Variants in NOS2 observed in about 807,000 individuals in gnomAD.
The protein encoded by NOS2 is nitric oxide synthase 2.
In NOS2, 96 loss-of-function variants were observed where a neutral mutation model predicts 136.0. The observed-to-expected ratio is 0.71, with a 90% CI of 0.60 to 0.84. The LOEUF is 0.84. NOS2 is among the 40% of genes least tolerant of loss of function. The pLI, the probability that NOS2 is intolerant of heterozygous loss-of-function variation, is 0.00. For synonymous variants in NOS2, 539 were observed against 587.5 expected (o/e 0.92, Z 1.20); for missense variants, 1,237 against 1,496.9 (o/e 0.83, Z 2.87).
intron 11 of NOS2, among the ~76,000 whole-genome samples, chr17:27,776,310 C>T (rs565353525): frequency 2.0e-5 from 3 of 152,288 alleles, no homozygotes; most frequent in African/African-American, 4.8e-5. Context: ...CTCTTGTGGA[C>T]GTGGGCTCTC....
At chr17:27,790,713 A>T (rs1377505746) in intron 2 of NOS2, among the ~76,000 whole-genome samples, 1 of 152,236 alleles carries the variant, frequency 6.6e-6, no homozygotes, top group African/African-American at 2.4e-5. Context: ...TTACAAATTA[A>T]ATTAAACATT....
intron 2 of NOS2, among the ~76,000 whole-genome samples, chr17:27,794,201 G>A (rs1198855285): frequency 6.6e-6 from 1 of 152,136 alleles, no homozygotes; most frequent in Non-Finnish European, 1.5e-5. Context: ...CCACAGCCCA[G>A]CCTAAGCTCA....
At chr17:27,772,599 G>A (rs1027774777) in intron 13 of NOS2, 147 bp from the exon 14 acceptor site, 9 of 861,618 alleles carry the variant, frequency 1.0e-5, no homozygotes, top group African/African-American at 6.8e-5. Flanking sequence ...GCCATGTACC[G>A]TGACAACTCA....
Position 27,770,979 on chromosome 17 carries a change from CTCCAGGCAGCTCAGCCTGTACTTA to C in NOS2, c.1719_1742del (p.Asp573_Leu580del). Reference sequence around the variant, plus strand: ...TCACCACCAACAGCAGCCGTTCCTCCTCCAGGCAGCTCAGCCTGTACTTATCCATGCAGACAACCTGGATGGCAC... The same window carrying C: ...TCACCACCAACAGCAGCCGTTCCTCCTCCATGCAGACAACCTGGATGGCAC... On this transcript the variant is annotated inframe_deletion, in exon 15 of 27. Coordinates refer to ENST00000313735, the MANE Select transcript of NOS2 (RefSeq NM_000625.4). The C allele has an allele frequency of 6.2e-7, 1 of 1,614,180 alleles. No individual in the cohort carries two copies. The highest frequency in any genetic ancestry group is 8.5e-7 in the Non-Finnish European group (1 of 1,180,020).
At position 27,771,138 on chromosome 17, in the gene NOS2, C is replaced by T. The variant is rs573015054; in HGVS notation, c.1705-121G>A. The T allele has an allele frequency of 4.3e-6, 3 of 693,496 alleles. No individual in the cohort carries two copies. The African/African-American group carries it at 5.3e-5, about 12-fold the overall frequency. The allele number at this position is 693,496 out of a possible 1,614,324, so 43.0% of individuals were successfully genotyped here. On this transcript the variant is annotated intron_variant, in intron 14 of 26. Transcript: ENST00000313735. ...GGCTGCGGCTCCTGTGCTCATCTGT[C>T]TCTCCCAGGGCCCGGCACAGGCGTG... is the stretch of plus-strand genomic sequence containing the variant.
chr17:27,764,805 T>A (rs1908244466), intron 20 of NOS2, among the ~76,000 whole-genome samples: 1 of 152,202 alleles, frequency 6.6e-6, no homozygotes, highest in Admixed American at 6.5e-5. Flanking sequence ...AGATGCTTTG[T>A]AAACACTGGG....
intron 5 of NOS2, among the ~76,000 whole-genome samples, chr17:27,784,916 CA>C (rs747795481): frequency 2.6e-5 from 4 of 152,152 alleles, no homozygotes; most frequent in Admixed American, 6.5e-5. Flanking sequence ...TGGAAAAATA[CA>C]ATTTTCCTCT....
At chr17:27,766,616 G>A (rs1398241361) in intron 18 of NOS2, 28 bp from the exon 19 acceptor site, 2 of 1,593,948 alleles carry the variant, frequency 1.3e-6, no homozygotes, top group Non-Finnish European at 1.7e-6. Context: ...ACGGTGAAAT[G>A]GCAAAGTGGT....
At chr17:27,782,211 CA>C (rs1908871975) in intron 6 of NOS2, 105 bp from the exon 7 acceptor site, 5 of 906,982 alleles carry the variant, frequency 5.5e-6, no homozygotes, top group Non-Finnish European at 8.8e-6. Flanking sequence ...AAACACTCAA[CA>C]CACAAACACT....
intron 17 of NOS2, among the ~76,000 whole-genome samples, 192 bp downstream of exon 17, chr17:27,768,785 C>G (rs1908393684): frequency 6.6e-6 from 1 of 152,216 alleles, no homozygotes; most frequent in Non-Finnish European, 1.5e-5. Flanking sequence ...CAAGGTGGAG[C>G]TCTTCTAGGG....
In NOS2 at chr17:27,760,695, T is replaced by A. The variant is rs1387144221; in HGVS notation, c.2938A>T (p.Ile980Phe). The A allele has an allele frequency of 3.9e-6, 6 of 1,550,768 alleles. No individual in the cohort carries two copies. Among genetic ancestry groups the A allele is most frequent in the Non-Finnish European group, 5.2e-6 (6 of 1,147,096 alleles). The change falls in exon 24 of 27, where the codon ATC becomes TTC. Residue 980 changes from isoleucine to phenylalanine, a missense_variant. By Grantham distance (21) the Ile-to-Phe change is conservative (BLOSUM62 0). Coordinates refer to ENST00000313735, the MANE Select transcript of NOS2 (RefSeq NM_000625.4). ...PEDPSHPCIL[I>F]GPGTGIAPFR... is the part of the protein sequence containing the mutation. ...GGCGCGATGCCTGTGCCAGGCCCGA[T>A]GAGGATGCAAGGATGGGAGGGATCC...
intron 26 of NOS2, among the ~76,000 whole-genome samples, chr17:27,757,763 C>T (rs1907974507): frequency 1.3e-5 from 2 of 152,222 alleles, no homozygotes; most frequent in Admixed American, 6.5e-5. Context: ...CTAAGCATGT[C>T]CCAGGCTATT....
At position 27,760,189 on chromosome 17, in the gene NOS2, C is replaced by G; in HGVS notation, c.3011-11G>C. ...GGCCTCCCCGCACTCCTGCAGGAGT[C>G]CCGGGCTGTTGTTACCATGTTGGCC... On this transcript the variant is annotated splice_polypyrimidine_tract_variant and intron_variant, in intron 24 of 26. Coordinates refer to ENST00000313735, the MANE Select transcript of NOS2 (RefSeq NM_000625.4). The G allele has an allele frequency of 6.5e-7, 1 of 1,544,548 alleles. No homozygotes were observed. Among genetic ancestry groups the G allele is most frequent in the Non-Finnish European group, 8.7e-7 (1 of 1,148,430 alleles).
At chr17:27,778,839 C>G in intron 10 of NOS2, 43 bp downstream of exon 10, 1 of 1,612,838 alleles carries the variant, frequency 6.2e-7, no homozygotes, top group Non-Finnish European at 8.5e-7. Flanking sequence ...AAGCCACCCC[C>G]AGGCCCACAC....
rs2151324646 is a variant in NOS2, at chr17:27,760,712, G to A, written c.2921C>T (p.Ser974Phe). Residue 974 changes from serine (S) to phenylalanine (F), a missense_variant, in exon 24 of 27, where the codon TCC becomes TTC. Physicochemically the swap from Ser to Phe is radical, Grantham distance 155. Coordinates refer to ENST00000313735, the MANE Select transcript of NOS2 (RefSeq NM_000625.4). ...AGGCCCGATGAGGATGCAAGGATGGGAGGGATCCTCGGGGAGGTGGAAGCC... is the reference window on the plus strand; with the variant it reads ...AGGCCCGATGAGGATGCAAGGATGGAAGGGATCCTCGGGGAGGTGGAAGCC... Reference protein sequence around the residue: ...ASGFHLPEDPSHPCILIGPGT... With the variant: ...ASGFHLPEDPFHPCILIGPGT... 1 of 1,550,460 alleles carries A rather than the reference G, an allele frequency of 6.4e-7. No individual in the cohort carries two copies. Among genetic ancestry groups the A allele is most frequent in the Non-Finnish European group, 8.7e-7 (1 of 1,147,034 alleles).
At chr17:27,789,783 G>A (rs2142525003) in intron 2 of NOS2, 95 bp from the exon 3 acceptor site, 2 of 835,086 alleles carry the variant, frequency 2.4e-6, no homozygotes, top group Non-Finnish European at 4.1e-6. Context: ...GACAAATAGG[G>A]AAACTGAGTC....
intron 18 of NOS2, 50 bp from the exon 19 acceptor site, chr17:27,766,638 G>T: frequency 6.9e-7 from 1 of 1,450,590 alleles, no homozygotes; most frequent in Non-Finnish European, 9.7e-7. Flanking sequence ...CTTGAGCGTA[G>T]GTAGGGGAAG....
At chr17:27,770,867 C>G (rs200622738) in intron 15 of NOS2, 46 bp downstream of exon 15, 2 of 1,446,452 alleles carry the variant, frequency 1.4e-6, no homozygotes, top group African/African-American at 1.4e-5. Context: ...CTGGGTCCTC[C>G]CGTGCCCTAC....
rs1416997672 is a variant in NOS2 at position 27,757,097 on chromosome 17, C to T, written c.*149G>A. ...ACTTGTTAGGAGGTCAAGTAAAGGG[C>T]TTGATGGGGAGCAACGTTGAGGAAA... On this transcript the variant is annotated 3_prime_UTR_variant, in exon 27 of 27. Transcript: ENST00000313735. 1 of 615,638 alleles carries T rather than the reference C, an allele frequency of 1.6e-6. No individual in the cohort carries two copies. Among genetic ancestry groups the T allele is most frequent in the African/African-American group, 1.9e-5 (1 of 53,566 alleles). 38.1% of individuals were successfully genotyped at this position (615,638 alleles called of 1,614,324 possible).
Sources: allele counts gnomAD v4.1 joint callset (sites outside exome capture counted in the v4.1 genomes callset), GRCh38; gene constraint gnomAD v4.1.1; transcripts MANE v1.5; gene names NCBI Gene and HGNC (gene_info 2026-07-23, HGNC 2026-07-21).